Variants in CGGBP1 observed in about 807,000 individuals in gnomAD.
CGGBP1 encodes the protein CGG triplet repeat-binding protein 1.
Under a neutral mutation model 11.4 loss-of-function variants are expected in CGGBP1, and 4 were observed. The observed-to-expected ratio is 0.35, with a 90% CI of 0.17 to 0.80. The LOEUF is 0.80. CGGBP1 is among the 30% of genes least tolerant of loss of function. The pLI, the probability that CGGBP1 is intolerant of heterozygous loss-of-function variation, is 0.52. For synonymous variants in CGGBP1, 76 were observed against 74.1 expected (o/e 1.03, Z -0.13); for missense variants, 135 against 202.1 (o/e 0.67, Z 2.01).
intron 2 of CGGBP1, among the ~76,000 whole-genome samples, chr3:88,105,387 A>G (rs1173937993): frequency 6.6e-6 from 1 of 152,046 alleles, no homozygotes; most frequent in Non-Finnish European, 1.5e-5. Context: ...AATTCTATGA[A>G]TTTTGTTGTG....
At chr3:88,120,523 A>G (rs1705702535) in intron 2 of CGGBP1, among the ~76,000 whole-genome samples, 1 of 152,166 alleles carries the variant, frequency 6.6e-6, no homozygotes, top group Non-Finnish European at 1.5e-5. Context: ...GAAGAAGCAA[A>G]TCAGGAGATG....
At chr3:88,116,561 TACACAC>T (rs61470020) in intron 2 of CGGBP1, among the ~76,000 whole-genome samples, 1 of 150,918 alleles carries the variant, frequency 6.6e-6, no homozygotes, top group Non-Finnish European at 1.5e-5. Context: ...TACATATATA[TACACAC>T]ACACACACAC....
intron 2 of CGGBP1, among the ~76,000 whole-genome samples, chr3:88,078,101 A>G (rs1239275067): frequency 6.6e-6 from 1 of 152,208 alleles, no homozygotes; most frequent in Non-Finnish European, 1.5e-5. Context: ...ATTTCAAACT[A>G]TTGTGAATAT....
intron 2 of CGGBP1, among the ~76,000 whole-genome samples, chr3:88,084,461 C>T (rs1414858166): frequency 6.6e-6 from 1 of 152,098 alleles, no homozygotes; most frequent in African/African-American, 2.4e-5. Context: ...TTCTAACATT[C>T]CTCTTTTTTA....
intron 1 of CGGBP1, among the ~76,000 whole-genome samples, chr3:88,147,821 G>A (rs1406662691): frequency 1.3e-5 from 2 of 152,168 alleles, no homozygotes; most frequent in Non-Finnish European, 2.9e-5. Context: ...AATTTTGGTT[G>A]GCACAGTGAG....
chr3:88,124,466 C>T (rs1331579710), intron 2 of CGGBP1, among the ~76,000 whole-genome samples: 1 of 152,128 alleles, frequency 6.6e-6, no homozygotes, highest in African/African-American at 2.4e-5. Context: ...CTACTTTCTT[C>T]TCTCATAAAA....
At chr3:88,109,787 CTG>C (rs1467984428) in intron 2 of CGGBP1, among the ~76,000 whole-genome samples, 1 of 151,978 alleles carries the variant, frequency 6.6e-6, no homozygotes, top group Non-Finnish European at 1.5e-5. Context: ...AATGTATAAA[CTG>C]AACATATTAA....
intron 2 of CGGBP1, chr3:88,138,606 T>C (rs1466036805): frequency 5.9e-6 from 4 of 674,050 alleles, no homozygotes; most frequent in African/African-American, 1.9e-5. Context: ...ACTATGTTTA[T>C]TCAGCTTTCA....
chr3:88,132,730 G>A (rs952232027), intron 2 of CGGBP1, among the ~76,000 whole-genome samples: 1 of 152,184 alleles, frequency 6.6e-6, no homozygotes, highest in African/African-American at 2.4e-5. Flanking sequence ...ACTTCACCTA[G>A]GTGTTTCAAT....
intron 2 of CGGBP1, among the ~76,000 whole-genome samples, chr3:88,076,531 C>A (rs1467405331): frequency 6.6e-6 from 1 of 151,898 alleles, no homozygotes; most frequent in Non-Finnish European, 1.5e-5. Flanking sequence ...TTTTATTTTT[C>A]TTTAATTTTT....
At chr3:88,121,960 A>G (rs921784226) in intron 2 of CGGBP1, among the ~76,000 whole-genome samples, 3 of 152,194 alleles carry the variant, frequency 2.0e-5, no homozygotes, top group South Asian at 2.1e-4. Context: ...TTGAGAATGT[A>G]TCTTCTCTGG....
intron 2 of CGGBP1, chr3:88,129,949 G>T: frequency 1.1e-6 from 1 of 873,520 alleles, no homozygotes; most frequent in South Asian, 3.6e-5. Context: ...AAAATTGATT[G>T]TGCAAGGAAC....
At chr3:88,141,819 G>A (rs1043116278) in intron 1 of CGGBP1, 1 of 482,732 alleles carries the variant, frequency 2.1e-6, no homozygotes, top group African/African-American at 2.0e-5. Flanking sequence ...TCACAGAGAT[G>A]TGCTGGCTTA....
At chr3:88,119,664 ATATT>A (rs1298298872) in intron 2 of CGGBP1, among the ~76,000 whole-genome samples, 3 of 151,978 alleles carry the variant, frequency 2.0e-5, no homozygotes, top group African/African-American at 7.3e-5. Context: ...ATCAAATTTT[ATATT>A]TATTTCTTTG....
chr3:88,089,725 A>G (rs1180725534), intron 2 of CGGBP1, among the ~76,000 whole-genome samples: 3 of 152,178 alleles, frequency 2.0e-5, no homozygotes, highest in South Asian at 2.1e-4. Context: ...CCTTCTGCCT[A>G]CTACAGATCC....
At chr3:88,123,021 AAAAAAGT>A (rs1456285098) in intron 2 of CGGBP1, among the ~76,000 whole-genome samples, 4 of 151,706 alleles carry the variant, frequency 2.6e-5, no homozygotes, top group East Asian at 1.9e-4. Context: ...CAAAAAAAAA[AAAAAAGT>A]AAAAAGAAAA....
intron 2 of CGGBP1, among the ~76,000 whole-genome samples, chr3:88,101,200 A>C (rs1704401980): frequency 6.6e-6 from 1 of 152,128 alleles, no homozygotes; most frequent in Non-Finnish European, 1.5e-5. Flanking sequence ...AGTTTTATAG[A>C]GTTGTGCAAC....
At chr3:88,120,547 A>C (rs1705704585) in intron 2 of CGGBP1, among the ~76,000 whole-genome samples, 2 of 152,264 alleles carry the variant, frequency 1.3e-5, no homozygotes, top group South Asian at 4.1e-4. Flanking sequence ...AAGAAAATTG[A>C]CATGATAATC....
intron 2 of CGGBP1, among the ~76,000 whole-genome samples, chr3:88,109,226 T>C (rs540932449): frequency 6.6e-6 from 1 of 151,618 alleles, no homozygotes; most frequent in South Asian, 2.1e-4. Context: ...AAGATGTTAC[T>C]GAAGAAAATA....
Sources: gnomAD v4.1 joint callset for allele counts (sites outside exome capture counted in the v4.1 genomes callset) on GRCh38, gnomAD v4.1.1 for gene constraint, MANE v1.5 for transcripts, NCBI Gene and HGNC (gene_info 2026-07-23, HGNC 2026-07-21) for gene names.